Variants in DIS3L2 observed in about 807,000 individuals in gnomAD.
DIS3L2 encodes DIS3 like 3'-5' exoribonuclease 2.
In DIS3L2, 34 loss-of-function variants were observed where a neutral mutation model predicts 97.5. The observed-to-expected ratio is 0.35, with a 90% CI of 0.27 to 0.46. The LOEUF (loss-of-function observed/expected upper bound fraction) is 0.46, where lower values mean the gene tolerates loss of function less well. Ranked by LOEUF, DIS3L2 falls within the 20% of genes least tolerant of loss-of-function variation. The pLI, the probability that DIS3L2 is intolerant of heterozygous loss-of-function variation, is 1.00. For synonymous variants in DIS3L2, 435 were observed against 445.2 expected (o/e 0.98, Z 0.29); for missense variants, 1,038 against 1,146.0 (o/e 0.91, Z 1.36).
chr2:232,273,872 C>T lies in DIS3L2; in HGVS notation c.1659+10432C>T, dbSNP rs80073775. On this transcript the variant is annotated intron_variant, in intron 13 of 20. Transcript: ENST00000325385. Reference sequence around the variant, plus strand: ...GGTCAGCTACCATTAGCTGTTAGTCCCTAGACCCATGATGGGGATGAAAGC... The same window carrying T: ...GGTCAGCTACCATTAGCTGTTAGTCTCTAGACCCATGATGGGGATGAAAGC... Among the ~76,000 whole-genome samples the T allele has an allele frequency of 2.6e-5, 4 of 152,292 alleles. No homozygotes were observed. In the East Asian group the frequency reaches 7.7e-4, roughly 29 times the overall value.
chr2:232,307,199 G>GT (rs1378658980), intron 14 of DIS3L2, among the ~76,000 whole-genome samples: 8 of 152,178 alleles, frequency 5.3e-5, no homozygotes, highest in Admixed American at 1.3e-4. Flanking sequence ...TCAAGGTCTT[G>GT]TTTTTTTCAT....
At chr2:232,318,514 A>G (rs1695337295) in intron 14 of DIS3L2, among the ~76,000 whole-genome samples, 3 of 152,324 alleles carry the variant, frequency 2.0e-5, no homozygotes, top group Non-Finnish European at 1.5e-5. Context: ...GAAGACAGGT[A>G]TGTAAGACAG....
chr2:232,329,785 T>TCCCGGGGGGGCCC, intron 14 of DIS3L2, 28 bp from the exon 15 acceptor site: 119 of 967,092 alleles, frequency 1.2e-4, no homozygotes, highest in Middle Eastern at 3.5e-4. Context: ...ACCCCAGCGG[T>TCCCGGGGGGGCCC]CCCTCCCATC....
At chr2:232,050,948 T>G (rs1173233482) in intron 5 of DIS3L2, among the ~76,000 whole-genome samples, 1 of 152,168 alleles carries the variant, frequency 6.6e-6, no homozygotes, top group Non-Finnish European at 1.5e-5. Flanking sequence ...AAATTTCTTG[T>G]AAGAGTGACA....
At chr2:232,122,838 CAT>C (rs1203929361) in intron 6 of DIS3L2, among the ~76,000 whole-genome samples, 2 of 152,170 alleles carry the variant, frequency 1.3e-5, no homozygotes, top group African/African-American at 2.4e-5. Context: ...AAACATAACT[CAT>C]ATAAACTATT....
chr2:232,040,114 T>C lies in DIS3L2; in HGVS notation c.366+10034T>C, dbSNP rs866891113. 2.0e-5 allele frequency among the ~76,000 whole-genome samples: 3 copies of C among 152,142 alleles called. 1 individual carries two copies. In the South Asian group the frequency reaches 6.2e-4, roughly 31 times the overall value. On this transcript the variant is annotated intron_variant, in intron 5 of 20. Transcript: ENST00000325385. ...GAGAAACAAACTCTATTTGAAAGAA[T>C]TGGGGAAGACTTCATAGAGGTTACA...
chr2:232,165,218 A>G (rs765776485), intron 9 of DIS3L2, among the ~76,000 whole-genome samples: 10 of 152,262 alleles, frequency 6.6e-5, no homozygotes, highest in Non-Finnish European at 1.3e-4. Context: ...CAGCTCTGCA[A>G]AAAGGAGCTA....
intron 1 of DIS3L2, among the ~76,000 whole-genome samples, chr2:231,967,598 TAAAC>T (rs1007719702): frequency 2.0e-5 from 3 of 152,234 alleles, no homozygotes; most frequent in Non-Finnish European, 2.9e-5. Context: ...GGCACAGTAT[TAAAC>T]AAGGTCAGAA....
At chr2:232,343,043 T>G in intron 13 of DIS3L2, 1 of 271,296 alleles carries the variant, frequency 3.7e-6, no homozygotes, top group Middle Eastern at 1.1e-3. Context: ...GGGGCTGCTG[T>G]GTCCACAGCT....
At chr2:231,990,940 C>T (rs1049330507) in intron 1 of DIS3L2, among the ~76,000 whole-genome samples, 5 of 151,524 alleles carry the variant, frequency 3.3e-5, no homozygotes, top group African/African-American at 1.2e-4. Flanking sequence ...ATTTCAGAAG[C>T]GAGAGAAAGT....
chr2:232,086,659 A>ATATGTGTG (rs1553606035), intron 5 of DIS3L2, among the ~76,000 whole-genome samples: 14 of 92,508 alleles, frequency 1.5e-4, no homozygotes, highest in East Asian at 9.1e-4. Context: ...ATATATATAT[A>ATATGTGTG]TGTGTGTGTG....
At chr2:232,313,378 T>A (rs1695185598) in intron 14 of DIS3L2, among the ~76,000 whole-genome samples, 1 of 152,254 alleles carries the variant, frequency 6.6e-6, no homozygotes, top group African/African-American at 2.4e-5. Context: ...AACTAATGTT[T>A]ATCACAAGAC....
chr2:232,087,852 A>G (rs1696711998), intron 6 of DIS3L2, 131 bp downstream of exon 6: 3 of 703,266 alleles, frequency 4.3e-6, no homozygotes, highest in Non-Finnish European at 7.1e-6. Flanking sequence ...GGCAGCTTTC[A>G]GAAAAGGGGG....
At chr2:232,336,385 G>A (rs1457713906) in intron 20 of DIS3L2, 84 bp from the exon 21 acceptor site, 6 of 1,551,172 alleles carry the variant, frequency 3.9e-6, no homozygotes, top group Middle Eastern at 3.3e-4. Flanking sequence ...GGGGCCAGGG[G>A]TCCTGCTGCA....
intron 5 of DIS3L2, among the ~76,000 whole-genome samples, chr2:232,049,350 C>T (rs1695336342): frequency 6.6e-6 from 1 of 152,070 alleles, no homozygotes; most frequent in African/African-American, 2.4e-5. Context: ...CTGAATGTAT[C>T]CCCAGAATTC....
rs2106314598 is a variant in DIS3L2 at position 232,293,457 on chromosome 2, T to A, written c.1660-6583T>A. 6.6e-6 allele frequency among the ~76,000 whole-genome samples: 1 copy of A among 152,248 alleles called. No homozygotes were observed. The highest frequency in any genetic ancestry group is 2.1e-4 in the South Asian group (1 of 4,816). Reference sequence around the variant, plus strand: ...GGAAAACAAAAGATCAGGGCCACTTTGACAGAGGAGGGACAGGCAGGAAGG... The same window carrying A: ...GGAAAACAAAAGATCAGGGCCACTTAGACAGAGGAGGGACAGGCAGGAAGG... On this transcript the variant is annotated intron_variant, in intron 13 of 20. Transcript: ENST00000325385. This position sits in a 1 kb window ranked among gnomAD's most constrained non-coding sequence, Gnocchi z 4.6.
chr2:232,084,963 T>G (rs980683002), intron 5 of DIS3L2, among the ~76,000 whole-genome samples: 1 of 152,238 alleles, frequency 6.6e-6, no homozygotes, highest in African/African-American at 2.4e-5. Context: ...CTAGGAATGG[T>G]TATGTTAATT....
At chr2:232,038,445 T>G (rs1165108341) in intron 5 of DIS3L2, among the ~76,000 whole-genome samples, 1 of 152,122 alleles carries the variant, frequency 6.6e-6, no homozygotes, top group Non-Finnish European at 1.5e-5. Flanking sequence ...GGTTGTACAG[T>G]AGGCATGGAA....
chr2:232,119,915 G>T (rs147267940), intron 6 of DIS3L2, among the ~76,000 whole-genome samples: 30 of 152,232 alleles, frequency 2.0e-4, no homozygotes, highest in Middle Eastern at 3.4e-3. Context: ...AAGGGAAATG[G>T]GGTAGTGAAA....
Sources: allele counts gnomAD v4.1 joint callset (sites outside exome capture counted in the v4.1 genomes callset), GRCh38; gene constraint gnomAD v4.1.1; non-coding constraint Gnocchi (gnomAD v3.1); transcripts MANE v1.5; gene names NCBI Gene and HGNC (gene_info 2026-07-23, HGNC 2026-07-21).